CNST: variants seen among roughly 807,000 people sequenced by gnomAD.
CNST encodes consortin, connexin sorting protein, also known as consortin.
A neutral mutation model predicts 72.4 loss-of-function variants in CNST; 39 were observed. The ratio of observed to expected loss-of-function variants is 0.54; its 90% CI spans 0.42 to 0.70. CNST has a LOEUF of 0.70. Among genes scored for constraint, CNST ranks in the 30% least tolerant of loss-of-function variants. The pLI, the probability that CNST is intolerant of heterozygous loss-of-function variation, is 0.00. For missense variants in CNST, 871 were observed against 868.5 expected (o/e 1.00, Z -0.04); for synonymous variants, 332 against 320.1 (o/e 1.04, Z -0.40).
intron 6 of CNST, among the ~76,000 whole-genome samples, chr1:246,636,316 A>G (rs976255862): frequency 6.6e-6 from 1 of 152,034 alleles, no homozygotes; most frequent in African/African-American, 2.4e-5. Context: ...TGGGTTGGTA[A>G]GTGTCCAGGT....
At chr1:246,609,783 C>T (rs1277947049) in intron 2 of CNST, among the ~76,000 whole-genome samples, 2 of 152,128 alleles carry the variant, frequency 1.3e-5, no homozygotes, top group African/African-American at 2.4e-5. Flanking sequence ...ATGGGTAAGG[C>T]GGTTTGAGGA....
At chr1:246,652,921 G>C (rs972089068) in intron 9 of CNST, among the ~76,000 whole-genome samples, 1 of 149,750 alleles carries the variant, frequency 6.7e-6, no homozygotes, top group Admixed American at 6.7e-5. Context: ...GGAGAATGGC[G>C]TGAACCTGGG....
At chr1:246,597,763 C>T (rs947977205) in intron 2 of CNST, among the ~76,000 whole-genome samples, 1 of 152,140 alleles carries the variant, frequency 6.6e-6, no homozygotes, top group Admixed American at 6.5e-5. Flanking sequence ...ATTTGAGTCT[C>T]GGTTCTGCCT....
chr1:246,608,710 C>T (rs537745283), intron 2 of CNST, among the ~76,000 whole-genome samples: 1 of 152,268 alleles, frequency 6.6e-6, no homozygotes, highest in South Asian at 2.1e-4. Flanking sequence ...CCGTTAGCAG[C>T]CTAAGGGAGC....
intron 10 of CNST, 23 bp from the exon 11 acceptor site, chr1:246,665,677 C>T (rs755997369): frequency 6.2e-7 from 1 of 1,600,624 alleles, no homozygotes; most frequent in Admixed American, 1.7e-5. Context: ...ACAATGTAAC[C>T]TCACTCTTTC....
intron 6 of CNST, among the ~76,000 whole-genome samples, chr1:246,637,076 G>A (rs1054162278): frequency 7.2e-5 from 11 of 152,210 alleles, no homozygotes; most frequent in African/African-American, 2.7e-4. Context: ...TCTTCCTCGT[G>A]TTTTGGTTTT....
At chr1:246,646,699 C>T (rs972163516) in intron 8 of CNST, among the ~76,000 whole-genome samples, 1 of 152,168 alleles carries the variant, frequency 6.6e-6, no homozygotes, top group Non-Finnish European at 1.5e-5. Context: ...AGGCTGGTTT[C>T]GAATTCCCGA....
chr1:246,658,343 T>G (rs2103160867), intron 9 of CNST, among the ~76,000 whole-genome samples: 1 of 152,350 alleles, frequency 6.6e-6, no homozygotes, highest in Non-Finnish European at 1.5e-5. Flanking sequence ...TTAATGACGA[T>G]GTTGCTTTCT....
At chr1:246,574,972 T>TTTA (rs1660300647) in intron 1 of CNST, among the ~76,000 whole-genome samples, 1 of 143,586 alleles carries the variant, frequency 7.0e-6, no homozygotes, top group Non-Finnish European at 1.5e-5. Context: ...TCCTCAAGTA[T>TTTA]TTTATTTATT....
chr1:246,614,511 AAT>A lies in CNST; in HGVS notation c.380-6917_380-6916del, dbSNP rs1491215319. Among the ~76,000 whole-genome samples the A allele has an allele frequency of 8.3e-5, 7 of 84,010 alleles. No homozygotes were observed. In the South Asian group the frequency reaches 3.0e-3, roughly 37 times the overall value. 55.1% of individuals were successfully genotyped at this position (84,010 alleles called of 152,430 possible). A position where few individuals can be genotyped will look rare whatever the true frequency, so the allele number is the denominator to read the frequency against. On this transcript the variant is annotated intron_variant, in intron 2 of 10. Coordinates refer to ENST00000366513, the MANE Select transcript of CNST (RefSeq NM_152609.3). ...TCCAGTCCCCATTTTGACTGCAATA[AAT>A]TTTTTTTTTTTTTTTTGGAGACAGT...
At chr1:246,628,904 CAT>C (rs1485715756) in intron 3 of CNST, among the ~76,000 whole-genome samples, 2 of 152,234 alleles carry the variant, frequency 1.3e-5, no homozygotes, top group African/African-American at 2.4e-5. Context: ...ACCTTTTTCA[CAT>C]GATTCCACTC....
At chr1:246,654,060 A>G (rs190954140) in intron 9 of CNST, among the ~76,000 whole-genome samples, 26 of 152,180 alleles carry the variant, frequency 1.7e-4, no homozygotes, top group Non-Finnish European at 3.5e-4. Context: ...GCTATGAAAC[A>G]CTTTTAAACT....
At chr1:246,581,286 A>G (rs1660766440) in intron 1 of CNST, among the ~76,000 whole-genome samples, 1 of 151,420 alleles carries the variant, frequency 6.6e-6, no homozygotes, top group Non-Finnish European at 1.5e-5. Flanking sequence ...TTTTTTTGAG[A>G]CGGAGTTTTG....
chr1:246,647,413 A>G lies in CNST; in HGVS notation c.1212A>G (p.Gln404=). ...CEDDSRLQLA[Q]TEACQDVARI... is the part of the protein sequence containing the mutation. The stretch of plus-strand genomic sequence containing the variant: ...ATGACAGTCGCTTGCAGCTGGCTCA[A>G]ACAGAGGCCTGCCAGGATGTGGCCA... Residue 404 remains glutamine, a synonymous_variant, in exon 9 of 11, where the codon CAA becomes CAG. Coordinates refer to ENST00000366513, the MANE Select transcript of CNST (RefSeq NM_152609.3). 1.2e-6 allele frequency: 2 copies of G among 1,614,126 alleles called. No individual in the cohort carries two copies.
rs577932054 is a variant in CNST, at chr1:246,648,357, T to C, written c.1836+320T>C. ...GATATTGGAATCAAAACCAGAATAG[T>C]CACATTCTAATAAGGAAGTCTCATT... On this transcript the variant is annotated intron_variant, in intron 9 of 10. Transcript: ENST00000366513. 1.0e-5 allele frequency: 4 copies of C among 383,118 alleles called. No individual in the cohort carries two copies. In the Admixed American group the frequency reaches 2.1e-4, roughly 20 times the overall value. The allele number at this position is 383,118 out of a possible 1,614,324, so 23.7% of individuals were successfully genotyped here. A position where few individuals can be genotyped will look rare whatever the true frequency, so the allele number is the denominator to read the frequency against.
intron 10 of CNST, among the ~76,000 whole-genome samples, chr1:246,664,309 G>A (rs186409561): frequency 6.6e-5 from 10 of 152,318 alleles, no homozygotes; most frequent in African/African-American, 2.4e-4. Context: ...CAGAACTGTA[G>A]CCTAATTCTT....
At chr1:246,596,913 T>C (rs527329448) in intron 2 of CNST, among the ~76,000 whole-genome samples, 4 of 152,378 alleles carry the variant, frequency 2.6e-5, no homozygotes, top group Admixed American at 6.5e-5. Flanking sequence ...TTCCTTTTTG[T>C]GGTCAGATAA....
chr1:246,630,076 C>G (rs1017846723), intron 3 of CNST, among the ~76,000 whole-genome samples: 1 of 152,166 alleles, frequency 6.6e-6, no homozygotes, highest in African/African-American at 2.4e-5. Context: ...GTGTAACCCC[C>G]TCATATGCTG....
chr1:246,619,408 G>A (rs1227198757), intron 2 of CNST, among the ~76,000 whole-genome samples: 5 of 152,208 alleles, frequency 3.3e-5, no homozygotes, highest in African/African-American at 7.2e-5. Context: ...AATCACTGTA[G>A]GTGATTTTTT....
Sources: allele counts gnomAD v4.1 joint callset (sites outside exome capture counted in the v4.1 genomes callset), GRCh38; gene constraint gnomAD v4.1.1; transcripts MANE v1.5; gene names NCBI Gene and HGNC (gene_info 2026-07-23, HGNC 2026-07-21).